Variants in KCNQ5 observed in about 807,000 individuals in gnomAD.
The protein encoded by KCNQ5 is potassium voltage-gated channel subfamily KQT member 5.
KCNQ5 carries 30 observed loss-of-function variants against 98.2 expected under a neutral mutation model. That is an observed-to-expected ratio of 0.31 (90% confidence interval 0.23 to 0.41). The LOEUF is 0.41. Among genes scored for constraint, KCNQ5 ranks in the 10% least tolerant of loss-of-function variants. The probability of loss-of-function intolerance (pLI) is 1.00; values close to 1 mark genes in which losing one functional copy is unlikely to be tolerated. For synonymous variants in KCNQ5, 458 were observed against 449.4 expected (o/e 1.02, Z -0.24); for missense variants, 835 against 1,182.5 (o/e 0.71, Z 4.31).
At chr6:72,779,187 G>A (rs530224485) in intron 1 of KCNQ5, among the ~76,000 whole-genome samples, 1 of 152,202 alleles carries the variant, frequency 6.6e-6, no homozygotes, top group Non-Finnish European at 1.5e-5. Context: ...AGGCTACAGG[G>A]AAGGATGCCC....
intron 1 of KCNQ5, among the ~76,000 whole-genome samples, chr6:72,763,379 CTATTTT>C (rs1195583018): frequency 6.6e-6 from 1 of 151,938 alleles, no homozygotes; most frequent in Non-Finnish European, 1.5e-5. Flanking sequence ...GTTCAAGAAC[CTATTTT>C]TCGTCTTTCT....
chr6:72,891,920 A>G (rs1281845858), intron 1 of KCNQ5, among the ~76,000 whole-genome samples: 1 of 152,152 alleles, frequency 6.6e-6, no homozygotes, highest in African/African-American at 2.4e-5. Flanking sequence ...ATCTTGGATT[A>G]TAGTAATTAT....
At chr6:72,709,092 C>T (rs1769232029) in intron 1 of KCNQ5, among the ~76,000 whole-genome samples, 1 of 152,148 alleles carries the variant, frequency 6.6e-6, no homozygotes, top group Admixed American at 6.5e-5. Context: ...GATCCACCCA[C>T]CTTGGCCCCA....
intron 1 of KCNQ5, among the ~76,000 whole-genome samples, chr6:72,957,290 C>G (rs754173980): frequency 6.6e-6 from 1 of 151,660 alleles, no homozygotes; most frequent in East Asian, 1.9e-4. Context: ...CCAGCCTCAG[C>G]CTCCCTAGTA....
intron 2 of KCNQ5, among the ~76,000 whole-genome samples, chr6:73,038,913 A>AG (rs1771566878): frequency 6.6e-6 from 1 of 152,118 alleles, no homozygotes; most frequent in Non-Finnish European, 1.5e-5. Context: ...AAATTGTGTG[A>AG]AAATGATATA....
chr6:73,189,954 C>T (rs1765523479), intron 11 of KCNQ5, among the ~76,000 whole-genome samples: 1 of 150,932 alleles, frequency 6.6e-6, no homozygotes, highest in African/African-American at 2.4e-5. Flanking sequence ...ATTGCTTGAG[C>T]CCAAGAGTTA....
At chr6:72,749,859 A>G (rs1157004360) in intron 1 of KCNQ5, among the ~76,000 whole-genome samples, 3 of 152,182 alleles carry the variant, frequency 2.0e-5, no homozygotes, top group Non-Finnish European at 4.4e-5. Flanking sequence ...AATTAAAAAC[A>G]AACATTTAAA....
chr6:72,987,707 A>G, intron 1 of KCNQ5: 1 of 569,006 alleles, frequency 1.8e-6, no homozygotes, highest in South Asian at 1.9e-5. Flanking sequence ...AAGATCTTTT[A>G]TATTCATAGG....
At chr6:73,134,166 C>T (rs868190607) in intron 10 of KCNQ5, 3 of 280,522 alleles carry the variant, frequency 1.1e-5, no homozygotes, top group Non-Finnish European at 2.2e-5. Context: ...AAAGTTATTT[C>T]GAAGTCTTCC....
At chr6:73,027,008 T>G (rs1437756939) in intron 2 of KCNQ5, among the ~76,000 whole-genome samples, 1 of 152,194 alleles carries the variant, frequency 6.6e-6, no homozygotes, top group Non-Finnish European at 1.5e-5. Context: ...CGTCCCACTC[T>G]GACCAAATTA....
intron 1 of KCNQ5, among the ~76,000 whole-genome samples, chr6:72,726,139 G>A (rs1313339658): frequency 1.3e-5 from 2 of 150,478 alleles, no homozygotes; most frequent in African/African-American, 2.4e-5. Flanking sequence ...AATAACATGA[G>A]CCCTTACACT....
At chr6:72,632,041 C>T (rs2098921083) in intron 1 of KCNQ5, among the ~76,000 whole-genome samples, 2 of 152,102 alleles carry the variant, frequency 1.3e-5, no homozygotes, top group African/African-American at 4.8e-5. Context: ...GGGCTTTGAA[C>T]CAAGGCAGGT....
chr6:73,190,693 C>T lies in KCNQ5; in HGVS notation c.1698C>T (p.Ser566=), dbSNP rs1765561948. Residue 566 remains serine, a synonymous_variant, in exon 12 of 14, where the codon AGC becomes AGT. Coordinates refer to ENST00000370398, the MANE Select transcript of KCNQ5 (RefSeq NM_019842.4). ...GHLDMLCRIK[S]LQTRVDQILG... ...TGGACATGTTGTGTAGAATTAAAAG[C>T]CTTCAAACACGGTAAGCAATGGAAA... 1.3e-6 allele frequency: 2 copies of T among 1,569,874 alleles called. No homozygotes were observed. Among genetic ancestry groups the T allele is most frequent in the Non-Finnish European group, 8.6e-7 (1 of 1,156,498 alleles).
At chr6:72,769,789 G>A (rs1047192613) in intron 1 of KCNQ5, among the ~76,000 whole-genome samples, 8 of 152,096 alleles carry the variant, frequency 5.3e-5, no homozygotes, top group African/African-American at 1.9e-4. Flanking sequence ...AAGTTAAAAT[G>A]TTGGGCTTTT....
At chr6:73,111,885 A>T (rs986829482) in intron 7 of KCNQ5, among the ~76,000 whole-genome samples, 14 of 152,354 alleles carry the variant, frequency 9.2e-5, no homozygotes, top group African/African-American at 3.1e-4. Context: ...CATCTAGGGC[A>T]GTTAGCGGAA....
At chr6:72,994,662 A>G (rs1227756758) in intron 1 of KCNQ5, among the ~76,000 whole-genome samples, 1 of 151,974 alleles carries the variant, frequency 6.6e-6, no homozygotes, top group Non-Finnish European at 1.5e-5. Flanking sequence ...AGCTGTTCCT[A>G]TTCGGCCATC....
At chr6:73,145,193 TG>T (rs1314045178) in intron 10 of KCNQ5, among the ~76,000 whole-genome samples, 1 of 152,214 alleles carries the variant, frequency 6.6e-6, no homozygotes, top group Admixed American at 6.5e-5. Flanking sequence ...TAGCACCTCA[TG>T]TATCGAGGCA....
intron 1 of KCNQ5, among the ~76,000 whole-genome samples, chr6:72,624,904 T>G (rs894243372): frequency 6.6e-6 from 1 of 152,212 alleles, no homozygotes; most frequent in African/African-American, 2.4e-5. Flanking sequence ...TAGCCAGACT[T>G]TACACATTAC....
intron 10 of KCNQ5, among the ~76,000 whole-genome samples, chr6:73,140,501 T>A (rs970026853): frequency 1.3e-5 from 2 of 152,202 alleles, no homozygotes; most frequent in African/African-American, 2.4e-5. Flanking sequence ...TAAAGCAGTA[T>A]CCTATTAGGG....
Sources: gnomAD v4.1 joint callset for allele counts (sites outside exome capture counted in the v4.1 genomes callset) on GRCh38, gnomAD v4.1.1 for gene constraint, MANE v1.5 for transcripts, NCBI Gene and HGNC (gene_info 2026-07-23, HGNC 2026-07-21) for gene names.